ADARB2: variants seen among roughly 807,000 people sequenced by gnomAD.
The protein encoded by ADARB2 is inactive double-stranded RNA-specific editase B2.
In ADARB2, 25 loss-of-function variants were observed where a neutral mutation model predicts 62.2. The observed-to-expected ratio is 0.40, with a 90% CI of 0.29 to 0.56. The LOEUF is 0.56. Among genes scored for constraint, ADARB2 ranks in the 20% least tolerant of loss-of-function variants. The pLI is 0.43. For missense variants in ADARB2, 1,071 were observed against 1,077.4 expected (o/e 0.99, Z 0.08); for synonymous variants, 572 against 500.8 (o/e 1.14, Z -1.90).
intron 1 of ADARB2, among the ~76,000 whole-genome samples, chr10:1,428,982 G>T (rs1423643001): frequency 6.6e-6 from 1 of 151,646 alleles, no homozygotes; most frequent in African/African-American, 2.4e-5. Flanking sequence ...AATCAGGTGG[G>T]TGGAGGGCAC....
chr10:1,362,929 C>T, intron 3 of ADARB2, 99 bp downstream of exon 3: 1 of 1,146,800 alleles, frequency 8.7e-7, no homozygotes, highest in Non-Finnish European at 1.1e-6. Flanking sequence ...GCCTCTCCTT[C>T]TCCGAGAAGC....
chr10:1,612,867 G>A (rs1281314148), intron 1 of ADARB2, among the ~76,000 whole-genome samples: 2 of 152,240 alleles, frequency 1.3e-5, no homozygotes, highest in African/African-American at 2.4e-5. Flanking sequence ...ATCTGATCTT[G>A]AGGATAAGTG....
intron 1 of ADARB2, among the ~76,000 whole-genome samples, chr10:1,508,458 A>G (rs1831879990): frequency 6.6e-6 from 1 of 152,190 alleles, no homozygotes; most frequent in Admixed American, 6.5e-5. Context: ...TCACTTGCCT[A>G]CATTATTGTT....
chr10:1,517,055 G>A (rs1199451300), intron 1 of ADARB2, among the ~76,000 whole-genome samples: 2 of 152,174 alleles, frequency 1.3e-5, no homozygotes, highest in Non-Finnish European at 1.5e-5. Context: ...CGGTCGTGGC[G>A]TCAGGCCGCC....
intron 3 of ADARB2, among the ~76,000 whole-genome samples, chr10:1,340,053 C>T (rs559485614): frequency 1.2e-4 from 19 of 152,130 alleles, no homozygotes; most frequent in Admixed American, 5.2e-4. Context: ...CACGTGGGTC[C>T]GGAATTGAAT....
chr10:1,256,498 G>A (rs892310465), intron 4 of ADARB2, among the ~76,000 whole-genome samples: 3 of 152,188 alleles, frequency 2.0e-5, no homozygotes, highest in African/African-American at 7.2e-5. Flanking sequence ...ATAAAAAGGT[G>A]CGTGTTTGCA....
intron 1 of ADARB2, among the ~76,000 whole-genome samples, chr10:1,401,451 C>T (rs530743729): frequency 4.6e-5 from 7 of 152,200 alleles, no homozygotes; most frequent in Non-Finnish European, 8.8e-5. Flanking sequence ...GGTTCCAGGA[C>T]TGACCATGGA....
intron 1 of ADARB2, among the ~76,000 whole-genome samples, chr10:1,557,435 C>T (rs546960506): frequency 6.6e-6 from 1 of 152,280 alleles, no homozygotes; most frequent in African/African-American, 2.4e-5. Flanking sequence ...CTAAAATTCG[C>T]AGCCACGGTC....
intron 1 of ADARB2, among the ~76,000 whole-genome samples, chr10:1,693,793 G>A (rs898848135): frequency 5.3e-5 from 8 of 152,164 alleles, no homozygotes; most frequent in Non-Finnish European, 1.0e-4. Flanking sequence ...AATTTCTATG[G>A]TAGTTATATT....
intron 1 of ADARB2, among the ~76,000 whole-genome samples, chr10:1,425,291 C>T (rs989028836): frequency 2.6e-5 from 4 of 152,196 alleles, no homozygotes; most frequent in African/African-American, 9.6e-5. Context: ...CTATATACCA[C>T]CTGTTTCTCA....
At chr10:1,522,368 T>C (rs573627851) in intron 1 of ADARB2, among the ~76,000 whole-genome samples, 2 of 151,626 alleles carry the variant, frequency 1.3e-5, no homozygotes, top group South Asian at 2.1e-4. Flanking sequence ...GAGGGGGAGG[T>C]GGAAGGCAGG....
chr10:1,188,724 A>T (rs967047450), intron 8 of ADARB2, among the ~76,000 whole-genome samples: 1 of 151,498 alleles, frequency 6.6e-6, no homozygotes, highest in African/African-American at 2.4e-5. Flanking sequence ...TCTGCAGCTG[A>T]TCATGCCCGT....
intron 6 of ADARB2, among the ~76,000 whole-genome samples, chr10:1,232,832 GTA>G (rs1030124544): frequency 7.6e-4 from 113 of 149,400 alleles, no homozygotes; most frequent in African/African-American, 2.6e-3. Flanking sequence ...GCTATATGTG[GTA>G]TGTGTGTGGT....
chr10:1,241,825 G>A (rs1830927470), intron 5 of ADARB2, among the ~76,000 whole-genome samples: 1 of 152,222 alleles, frequency 6.6e-6, no homozygotes, highest in Admixed American at 6.5e-5. Flanking sequence ...AATGTGGGGG[G>A]CATGGGGAAC....
chr10:1,317,200 C>T (rs1831747522), intron 3 of ADARB2, among the ~76,000 whole-genome samples: 1 of 152,178 alleles, frequency 6.6e-6, no homozygotes, highest in African/African-American at 2.4e-5. Flanking sequence ...TGCTTAAAGT[C>T]TTACTTATAT....
chr10:1,319,540 TCAAA>T (rs1245648588), intron 3 of ADARB2, among the ~76,000 whole-genome samples: 3 of 152,336 alleles, frequency 2.0e-5, no homozygotes, highest in East Asian at 1.9e-4. Flanking sequence ...TAGCAAGATC[TCAAA>T]CAAAATGATT....
chr10:1,737,039 C>G lies in ADARB2; in HGVS notation c.100+12G>C. The stretch of plus-strand genomic sequence containing the variant: ...AAGGGGGGCAGGGGCCGGCGCGCCA[C>G]GCGGTCCTTACCTTTCCGCTTGGAC... On this transcript the variant is annotated intron_variant, in intron 1 of 9. Coordinates refer to ENST00000381312, the MANE Select transcript of ADARB2 (RefSeq NM_018702.4). The G allele has an allele frequency of 6.2e-7, 1 of 1,609,334 alleles. No individual in the cohort carries two copies. Among genetic ancestry groups the G allele is most frequent in the African/African-American group, 1.3e-5 (1 of 75,044 alleles).
At chr10:1,336,969 G>C (rs1000396375) in intron 3 of ADARB2, among the ~76,000 whole-genome samples, 5 of 151,892 alleles carry the variant, frequency 3.3e-5, no homozygotes, top group African/African-American at 1.2e-4. Context: ...AATGAGTCCA[G>C]ATAGCCAAAA....
In ADARB2 at chr10:1,637,230, C is replaced by T. The variant is rs537881386; in HGVS notation, c.100+99821G>A. ...GATACTTGGCAGTTTATATTTCTGC[C>T]GTGATGATGTAAATCCTGTTTCCAC... On this transcript the variant is annotated intron_variant, in intron 1 of 9. Coordinates refer to ENST00000381312, the MANE Select transcript of ADARB2 (RefSeq NM_018702.4). Among the ~76,000 whole-genome samples the T allele has an allele frequency of 1.1e-3, 161 of 145,464 alleles. 1 individual carries two copies. Among genetic ancestry groups the T allele is most frequent in the Non-Finnish European group, 1.9e-3 (125 of 64,206 alleles).
Sources: allele counts gnomAD v4.1 joint callset (sites outside exome capture counted in the v4.1 genomes callset), GRCh38; gene constraint gnomAD v4.1.1; transcripts MANE v1.5; gene names NCBI Gene and HGNC (gene_info 2026-07-23, HGNC 2026-07-21).